The following MACC1 variants were observed in gnomAD, a reference collection of about 807,000 sequenced individuals.
The protein encoded by MACC1 is metastasis-associated in colon cancer protein 1.
In MACC1, 79 loss-of-function variants were observed where a neutral mutation model predicts 70.7. The ratio of observed to expected loss-of-function variants is 1.12; its 90% CI spans 0.93 to 1.35. The LOEUF (loss-of-function observed/expected upper bound fraction) is 1.35, where lower values mean the gene tolerates loss of function less well. Ranked by LOEUF, MACC1 falls within the 40% of genes most tolerant of loss-of-function variation. MACC1 has a pLI of 0.00. For synonymous variants in MACC1, 361 were observed against 347.2 expected, an observed-to-expected ratio of 1.04 and a Z score of -0.44; for missense variants, 1,106 against 978.1, an observed-to-expected ratio of 1.13 and a Z score of -1.74.
chr7:20,214,559 G>A (rs539091662), intron 1 of MACC1, among the ~76,000 whole-genome samples: 1 of 152,150 alleles, frequency 6.6e-6, no homozygotes, highest in African/African-American at 2.4e-5. Flanking sequence ...GAAAAAAGCT[G>A]ATATCTATTG....
At chr7:20,156,257 G>C (rs796930234) in intron 5 of MACC1, among the ~76,000 whole-genome samples, 12 of 152,240 alleles carry the variant, frequency 7.9e-5, no homozygotes, top group African/African-American at 2.6e-4. Flanking sequence ...TCCATCACCT[G>C]CCAGTCAGAG....
intron 1 of MACC1, among the ~76,000 whole-genome samples, chr7:20,174,474 ATAT>A (rs2128104973): frequency 6.6e-6 from 1 of 152,302 alleles, no homozygotes; most frequent in South Asian, 2.1e-4. Context: ...GAAATTGCAG[ATAT>A]TATAATGTTA....
intron 1 of MACC1, among the ~76,000 whole-genome samples, chr7:20,199,728 TAC>T (rs1224314520): frequency 1.3e-5 from 2 of 152,098 alleles, no homozygotes; most frequent in African/African-American, 4.8e-5. Context: ...AGTCAAAGAG[TAC>T]AGAGTCATTC....
chr7:20,171,783 T>C (rs1160286052), intron 1 of MACC1, among the ~76,000 whole-genome samples: 2 of 152,114 alleles, frequency 1.3e-5, no homozygotes, highest in Non-Finnish European at 2.9e-5. Context: ...GGTTTCACCA[T>C]ATAGGTCAAG....
intron 1 of MACC1, among the ~76,000 whole-genome samples, chr7:20,182,047 T>C (rs985896553): frequency 4.0e-5 from 6 of 151,750 alleles, no homozygotes; most frequent in Admixed American, 1.3e-4. Flanking sequence ...TGTAGGGACA[T>C]GGATGAAGCT....
intron 1 of MACC1, among the ~76,000 whole-genome samples, chr7:20,188,659 C>T (rs544358918): frequency 1.2e-4 from 19 of 152,250 alleles, no homozygotes; most frequent in Admixed American, 1.2e-3. Flanking sequence ...CTCTCTCTCT[C>T]TAACACCTTC....
intron 1 of MACC1, among the ~76,000 whole-genome samples, chr7:20,215,869 C>A (rs1331944904): frequency 1.3e-5 from 2 of 152,050 alleles, no homozygotes; most frequent in Non-Finnish European, 2.9e-5. Context: ...TAAAAATATT[C>A]TATTTGTAAA....
intron 1 of MACC1, among the ~76,000 whole-genome samples, chr7:20,205,260 T>G (rs1306693599): frequency 6.6e-6 from 1 of 152,222 alleles, no homozygotes; most frequent in Non-Finnish European, 1.5e-5. Context: ...CAATTAAAGT[T>G]AGGTGCTTAA....
chr7:20,209,636 C>G (rs1782967390), intron 1 of MACC1, among the ~76,000 whole-genome samples: 1 of 152,130 alleles, frequency 6.6e-6, no homozygotes, highest in Non-Finnish European at 1.5e-5. Flanking sequence ...AGATGAGACT[C>G]TGAACTTGGA....
chr7:20,188,275 A>G (rs6956761), intron 1 of MACC1, among the ~76,000 whole-genome samples: 2,625 of 152,192 alleles, frequency 0.017, 84 homozygotes, highest in African/African-American at 0.06. Flanking sequence ...GTTCTAACAA[A>G]ACATTCTTTT....
chr7:20,158,603 T>C lies in MACC1; in HGVS notation c.1758A>G (p.Val586=). The C allele has an allele frequency of 6.2e-7, 1 of 1,614,058 alleles. No individual in the cohort carries two copies. The highest frequency in any genetic ancestry group is 8.5e-7 in the Non-Finnish European group (1 of 1,179,968). The change falls in exon 5 of 7, where the codon GTA becomes GTG. Residue 586 remains valine (V), a synonymous_variant. Transcript: ENST00000400331. Reference sequence around the variant, plus strand: ...TCACTTTGGACTGACCAATAGCTTTTACCTTACCTTCCCCGAGGAGAGCTA... The same window carrying C: ...TCACTTTGGACTGACCAATAGCTTTCACCTTACCTTCCCCGAGGAGAGCTA... ...DTIALLGEGK[V]KAIGQSKVKE...
chr7:20,211,222 A>T, intron 1 of MACC1, among the ~76,000 whole-genome samples: 1 of 152,112 alleles, frequency 6.6e-6, no homozygotes, highest in East Asian at 1.9e-4. Context: ...CAGTTTCTTC[A>T]TCTCTAAAAG....
chr7:20,166,271 G>A (rs776075970), intron 2 of MACC1, among the ~76,000 whole-genome samples: 1 of 152,144 alleles, frequency 6.6e-6, no homozygotes, highest in Non-Finnish European at 1.5e-5. Context: ...GCAACTGTTG[G>A]ACTAGTAGAC....
chr7:20,185,051 A>G (rs1331198081), intron 1 of MACC1: 1 of 152,180 alleles, frequency 6.6e-6, no homozygotes, highest in Admixed American at 6.5e-5. Flanking sequence ...TCGTGAGGGT[A>G]GAACACACGC....
At chr7:20,157,766 CAAAAAAAAAAAA>C (rs370288319) in intron 5 of MACC1, among the ~76,000 whole-genome samples, 1 of 53,934 alleles carries the variant, frequency 1.9e-5, no homozygotes, top group South Asian at 6.9e-4. Flanking sequence ...GACTTTGTCT[CAAAAAAAAAAAA>C]AAAAAAAAAA....
chr7:20,159,486 A>G lies in MACC1; in HGVS notation c.875T>C (p.Ile292Thr), dbSNP rs747733229. Reference protein sequence around the residue: ...TMEALLLEMKIGAEVRKDPFS... With the variant: ...TMEALLLEMKTGAEVRKDPFS... ...AGGATCCTTTCTTACTTCAGCCCCA[A>G]TTTTCATCTCCAGCAAAAGGGCTTC... Residue 292 changes from isoleucine to threonine, a missense_variant, in exon 5 of 7, where the codon ATT (isoleucine) becomes ACT (threonine). Transcript: ENST00000400331. 37 of 1,613,946 alleles carry G rather than the reference A, an allele frequency of 2.3e-5. No homozygotes were observed. The highest frequency in any genetic ancestry group is 1.2e-4 in the South Asian group (11 of 91,010).
chr7:20,160,282 A>G (rs1782123408), intron 4 of MACC1, 37 bp from the exon 5 acceptor site: 1 of 1,510,290 alleles, frequency 6.6e-7, no homozygotes, highest in Non-Finnish European at 8.8e-7. Flanking sequence ...AAACAAAGAT[A>G]AGGTGGCACT....
chr7:20,137,794 A>G lies in MACC1; in HGVS notation c.*3152T>C, dbSNP rs555663782. On this transcript the variant is annotated 3_prime_UTR_variant, in exon 7 of 7. Transcript: ENST00000400331. The stretch of plus-strand genomic sequence containing the variant: ...GAAAAAATATAAAGTTCAGAAAAGT[A>G]GAAACTATTTATTTAAAAATTAGAA... 5 of 152,356 alleles carry G rather than the reference A, an allele frequency of 3.3e-5. No homozygotes were observed. The highest frequency in any genetic ancestry group is 1.2e-4 in the African/African-American group (5 of 41,590). The allele number at this position is 152,356 out of a possible 1,614,324, so 9.4% of individuals were successfully genotyped here. A position where few individuals can be genotyped will look rare whatever the true frequency, so the allele number is the denominator to read the frequency against.
rs187672738 is a variant in MACC1 at position 20,157,534 on chromosome 7, A to G, written c.2157+670T>C. 9.1e-4 allele frequency among the ~76,000 whole-genome samples: 139 copies of G among 151,980 alleles called. 1 individual carries two copies. The highest frequency in any genetic ancestry group is 3.2e-3 in the African/African-American group (134 of 41,448). On this transcript the variant is annotated intron_variant, in intron 5 of 6. Transcript: ENST00000400331. The stretch of plus-strand genomic sequence containing the variant: ...TGTGGTGGCTCATGGCTGTAATTTC[A>G]GCACTTTGGGAGGCAAAGGTGGGAA...
Sources: gnomAD v4.1 joint callset for allele counts (sites outside exome capture counted in the v4.1 genomes callset) on GRCh38, gnomAD v4.1.1 for gene constraint, MANE v1.5 for transcripts, NCBI Gene and HGNC (gene_info 2026-07-23, HGNC 2026-07-21) for gene names.